Variants in TMEM178B observed in about 807,000 individuals in gnomAD.
The protein encoded by TMEM178B is transmembrane protein 178B.
TMEM178B carries 5 observed loss-of-function variants against 31.0 expected under a neutral mutation model. The observed-to-expected ratio is 0.16, with a 90% CI of 0.08 to 0.34. The LOEUF is 0.34. TMEM178B is among the 10% of genes least tolerant of loss of function. The pLI is 1.00. For synonymous variants in TMEM178B, 164 were observed against 164.0 expected, an observed-to-expected ratio of 1.00 and a Z score of 0.00; for missense variants, 275 against 400.3, an observed-to-expected ratio of 0.69 and a Z score of 2.67.
At position 141,262,474 on chromosome 7, in the gene TMEM178B, A is replaced by AATATAT. The variant is rs10570183; in HGVS notation, c.496+49795_496+49800dup. On this transcript the variant is annotated intron_variant, in intron 2 of 3. Transcript: ENST00000565468. ...AATGGAAAGCTTGATAAATACATAT[A>AATATAT]ATATATATATATATATATATATATA... 5.9e-3 allele frequency among the ~76,000 whole-genome samples: 772 copies of AATATAT among 131,798 alleles called. 10 individuals are homozygous for AATATAT. The highest frequency in any genetic ancestry group is 8.6e-3 in the African/African-American group (292 of 33,900). 86.5% of individuals were successfully genotyped at this position (131,798 alleles called of 152,430 possible).
chr7:141,377,328 C>G (rs552831002), intron 2 of TMEM178B, among the ~76,000 whole-genome samples: 2 of 151,992 alleles, frequency 1.3e-5, no homozygotes, highest in Admixed American at 6.5e-5. Flanking sequence ...GGATTACAGG[C>G]GCTTACCACC....
intron 2 of TMEM178B, among the ~76,000 whole-genome samples, chr7:141,221,263 ATTC>A (rs746106585): frequency 3.9e-5 from 6 of 152,206 alleles, no homozygotes; most frequent in Admixed American, 1.3e-4. Context: ...GCAGGTGATT[ATTC>A]TTTTCAAAGT....
chr7:141,366,452 A>G (rs1263852888), intron 2 of TMEM178B, among the ~76,000 whole-genome samples: 3 of 152,214 alleles, frequency 2.0e-5, no homozygotes, highest in Non-Finnish European at 4.4e-5. Context: ...ACCAAAGGAT[A>G]CATTTCCTTG....
At position 141,201,380 on chromosome 7, in the gene TMEM178B, G is replaced by T. The variant is rs1023255172; in HGVS notation, c.383-11211G>T. The stretch of plus-strand genomic sequence containing the variant: ...AACCTGGAGGATGGCCAGTGTGACT[G>T]TGTGGTTGGGGGAGCCGGGAAGTGT... On this transcript the variant is annotated intron_variant, in intron 1 of 3. Transcript: ENST00000565468. 5.3e-5 allele frequency among the ~76,000 whole-genome samples: 8 copies of T among 152,314 alleles called. No individual in the cohort carries two copies. The South Asian group carries it at 1.7e-3, about 32-fold the overall frequency.
chr7:141,508,480 C>T, the TMEM178B span, among the ~76,000 whole-genome samples: 2 of 152,348 alleles, frequency 1.3e-5, no homozygotes, highest in East Asian at 1.9e-4. Context: ...TCCAAAGTCA[C>T]TTCCACATTT....
chr7:141,362,638 T>G (rs1310041751), intron 2 of TMEM178B, among the ~76,000 whole-genome samples: 3 of 152,130 alleles, frequency 2.0e-5, no homozygotes, highest in African/African-American at 7.2e-5. Flanking sequence ...CATCACTCTG[T>G]GGGGGCATTT....
chr7:141,412,627 T>C (rs1371445385), intron 2 of TMEM178B, among the ~76,000 whole-genome samples: 1 of 152,232 alleles, frequency 6.6e-6, no homozygotes, highest in Non-Finnish European at 1.5e-5. Context: ...AGAGAGTATT[T>C]GGATAGATTC....
At chr7:141,189,186 C>T (rs1183729945) in intron 1 of TMEM178B, among the ~76,000 whole-genome samples, 2 of 152,246 alleles carry the variant, frequency 1.3e-5, no homozygotes, top group Non-Finnish European at 2.9e-5. Flanking sequence ...TCCCTCACTG[C>T]ATTGTGCTAG....
intron 1 of TMEM178B, among the ~76,000 whole-genome samples, chr7:141,117,253 C>T (rs572726110): frequency 6.6e-6 from 1 of 152,314 alleles, no homozygotes; most frequent in African/African-American, 2.4e-5. Flanking sequence ...GTTTGCATTT[C>T]TCTAATGACC....
At chr7:141,452,464 G>A (rs185481495) in intron 3 of TMEM178B, among the ~76,000 whole-genome samples, 143 of 152,108 alleles carry the variant, frequency 9.4e-4, no homozygotes, top group East Asian at 1.2e-3. Context: ...CCAGTTTTCC[G>A]TTTTCACCCT....
intron 1 of TMEM178B, among the ~76,000 whole-genome samples, chr7:141,086,428 G>T (rs1288697970): frequency 6.6e-6 from 1 of 152,208 alleles, no homozygotes; most frequent in East Asian, 1.9e-4. Context: ...TGAAGCATAT[G>T]TATATATTTC....
chr7:141,148,479 G>C (rs1396181539), intron 1 of TMEM178B, among the ~76,000 whole-genome samples: 2 of 152,200 alleles, frequency 1.3e-5, no homozygotes, highest in Admixed American at 1.3e-4. Flanking sequence ...ATAGTTAGAG[G>C]AGCCAGGAAA....
At chr7:141,104,496 G>A (rs1484676828) in intron 1 of TMEM178B, among the ~76,000 whole-genome samples, 1 of 152,190 alleles carries the variant, frequency 6.6e-6, no homozygotes, top group African/African-American at 2.4e-5. Flanking sequence ...CCCTCTATCT[G>A]CTGCTCTGTC....
chr7:141,402,133 G>C (rs1341425359), intron 2 of TMEM178B, among the ~76,000 whole-genome samples: 1 of 152,164 alleles, frequency 6.6e-6, no homozygotes, highest in Non-Finnish European at 1.5e-5. Flanking sequence ...GCCCTCCGGA[G>C]GACCCGCTCA....
At chr7:141,128,391 T>C (rs1447139671) in intron 1 of TMEM178B, among the ~76,000 whole-genome samples, 6 of 152,186 alleles carry the variant, frequency 3.9e-5, no homozygotes. Flanking sequence ...TCAAACTTCT[T>C]TGGTCTTCAG....
chr7:141,319,924 G>A (rs78435263), intron 2 of TMEM178B, among the ~76,000 whole-genome samples: 6,454 of 152,230 alleles, frequency 0.042, 209 homozygotes, highest in East Asian at 0.13. Context: ...TGACTCATAG[G>A]ATCAGTGTGG....
chr7:141,498,403 G>T, the TMEM178B span, among the ~76,000 whole-genome samples: 2 of 152,212 alleles, frequency 1.3e-5, no homozygotes, highest in East Asian at 3.9e-4. Flanking sequence ...TCTAATTCTG[G>T]CATGTTTGAC....
At chr7:141,312,929 A>C (rs776686715) in intron 2 of TMEM178B, among the ~76,000 whole-genome samples, 18 of 152,184 alleles carry the variant, frequency 1.2e-4, no homozygotes, top group Non-Finnish European at 2.5e-4. Context: ...AGCACCTTAA[A>C]GTTTTAAATA....
chr7:141,495,041 T>G, the TMEM178B span, among the ~76,000 whole-genome samples: 1 of 152,172 alleles, frequency 6.6e-6, no homozygotes, highest in African/African-American at 2.4e-5. Context: ...TATTAAATAG[T>G]AAAAATAAAA....
Sources: allele counts gnomAD v4.1 joint callset (sites outside exome capture counted in the v4.1 genomes callset), GRCh38; gene constraint gnomAD v4.1.1; transcripts MANE v1.5; gene names NCBI Gene and HGNC (gene_info 2026-07-23, HGNC 2026-07-21).